Variants in OR8B2 observed in about 807,000 individuals in gnomAD.
OR8B2 encodes olfactory receptor 8B2.
For synonymous variants in OR8B2, 98 were observed against 138.2 expected, an observed-to-expected ratio of 0.71 and a Z score of 2.04; for missense variants, 304 against 379.6, an observed-to-expected ratio of 0.80 and a Z score of 1.65.
At chr11:124,384,669 G>A (rs1316046900), upstream of OR8B2, among the ~76,000 whole-genome samples, 1 of 152,132 alleles carries the variant, frequency 6.6e-6, no homozygotes, top group Non-Finnish European at 1.5e-5. Flanking sequence ...TTTGCTCAAG[G>A]CTCATAATTC....
At chr11:124,387,295 G>T (rs541941500), upstream of OR8B2, among the ~76,000 whole-genome samples, 1 of 152,190 alleles carries the variant, frequency 6.6e-6, no homozygotes, top group Non-Finnish European at 1.5e-5. Flanking sequence ...GGCTTTTCTT[G>T]CCATTGCTTT....
upstream of OR8B2, among the ~76,000 whole-genome samples, chr11:124,388,310 G>C (rs1860732633): frequency 6.7e-6 from 1 of 149,338 alleles, no homozygotes; most frequent in African/African-American, 2.5e-5. Context: ...AATAGGAGTG[G>C]TGAGAGATGG....
chr11:124,392,027 A>C, the OR8B2 span, among the ~76,000 whole-genome samples: 1 of 122,522 alleles, frequency 8.2e-6, no homozygotes, highest in East Asian at 2.2e-4. Flanking sequence ...GATTATCTCA[A>C]TAGATGCAGA....
In OR8B2 at chr11:124,383,120, G is replaced by T; in HGVS notation, c.224C>A (p.Ser75Tyr). 1 of 1,613,886 alleles carries T rather than the reference G, an allele frequency of 6.2e-7. No homozygotes were observed. The highest frequency in any genetic ancestry group is 8.5e-7 in the Non-Finnish European group (1 of 1,179,816). ...NLSFIDLCYSSVFTPKMLMNF... is the reference protein window; with the variant it reads ...NLSFIDLCYSYVFTPKMLMNF... ...CATTAGCATTTTGGGAGTGAAAACA[G>T]AGGAGTAACAGAGATCAATGAAGGA... The change falls in exon 2 of 2, where the codon TCT becomes TAT. Residue 75 changes from serine to tyrosine, a missense_variant. Transcript: ENST00000641451.
At chr11:124,390,478 A>C in the OR8B2 span, among the ~76,000 whole-genome samples, 49,794 of 151,998 alleles carry the variant, frequency 0.33, 8,221 homozygotes, top group African/African-American at 0.4. Context: ...AAGTCACCAA[A>C]AAATAGCAAA....
At chr11:124,392,715 T>C in the OR8B2 span, among the ~76,000 whole-genome samples, 1 of 141,924 alleles carries the variant, frequency 7.0e-6, no homozygotes, top group Non-Finnish European at 1.5e-5. Context: ...TTCAATGCCA[T>C]CCCCATCAAG....
At chr11:124,394,621 A>G in the OR8B2 span, among the ~76,000 whole-genome samples, 1 of 152,102 alleles carries the variant, frequency 6.6e-6, no homozygotes, top group South Asian at 2.1e-4. Context: ...TTTAAGTCCC[A>G]CCCACCCTGC....
chr11:124,395,227 G>A, the OR8B2 span, among the ~76,000 whole-genome samples: 1 of 151,698 alleles, frequency 6.6e-6, no homozygotes, highest in Non-Finnish European at 1.5e-5. Flanking sequence ...TTGAACCACT[G>A]CATTCCTGCC....
upstream of OR8B2, among the ~76,000 whole-genome samples, chr11:124,384,669 G>C (rs1316046900): frequency 6.6e-6 from 1 of 152,132 alleles, no homozygotes; most frequent in African/African-American, 2.4e-5. Flanking sequence ...TTTGCTCAAG[G>C]CTCATAATTC....
chr11:124,394,032 A>T, the OR8B2 span, among the ~76,000 whole-genome samples: 1 of 146,212 alleles, frequency 6.8e-6, no homozygotes, highest in Non-Finnish European at 1.5e-5. Context: ...GCGTATTCTC[A>T]CTGATAGATG....
chr11:124,393,568 A>G, the OR8B2 span, among the ~76,000 whole-genome samples: 1 of 148,562 alleles, frequency 6.7e-6, no homozygotes, highest in Non-Finnish European at 1.5e-5. Context: ...ATGAGATACC[A>G]TCTCACACCA....
At chr11:124,388,789 C>T (rs1860739114), upstream of OR8B2, among the ~76,000 whole-genome samples, 1 of 151,588 alleles carries the variant, frequency 6.6e-6, no homozygotes, top group South Asian at 2.1e-4. Flanking sequence ...AAACTTGTAC[C>T]TCCTTTAGTT....
At chr11:124,385,768 C>G (rs1189910166), upstream of OR8B2, among the ~76,000 whole-genome samples, 4 of 151,660 alleles carry the variant, frequency 2.6e-5, no homozygotes, top group Non-Finnish European at 4.4e-5. Context: ...GTAGCTGGCA[C>G]TACAGGCACA....
chr11:124,390,241 G>C, the OR8B2 span, among the ~76,000 whole-genome samples: 2 of 152,126 alleles, frequency 1.3e-5, no homozygotes, highest in African/African-American at 2.4e-5. Flanking sequence ...AATGCAATGA[G>C]GGGGGATGGA....
the OR8B2 span, among the ~76,000 whole-genome samples, chr11:124,394,514 G>A: frequency 2.6e-5 from 4 of 152,190 alleles, no homozygotes; most frequent in Admixed American, 1.3e-4. Context: ...AGACCATAGA[G>A]CAGTTCTAAA....
the OR8B2 span, among the ~76,000 whole-genome samples, chr11:124,394,590 G>C: frequency 1.3e-5 from 2 of 152,170 alleles, no homozygotes; most frequent in Non-Finnish European, 2.9e-5. Flanking sequence ...ATACATGTTA[G>C]ATGGAAATTG....
chr11:124,394,414 A>C, the OR8B2 span, among the ~76,000 whole-genome samples: 1 of 152,160 alleles, frequency 6.6e-6, no homozygotes, highest in Admixed American at 6.6e-5. Context: ...TGAAAGGAGC[A>C]AGAGTCAGTG....
chr11:124,389,498 A>G (rs1860750610), upstream of OR8B2, among the ~76,000 whole-genome samples: 1 of 152,166 alleles, frequency 6.6e-6, no homozygotes, highest in Non-Finnish European at 1.5e-5. Flanking sequence ...AAGTCATATC[A>G]TGAGTGAGTG....
At chr11:124,396,336 A>C in the OR8B2 span, 1 of 1,274,058 alleles carries the variant, frequency 7.8e-7, no homozygotes, top group Non-Finnish European at 1.1e-6. Flanking sequence ...TGTAGAAACA[A>C]CAAAATCTCT....
Sources: allele counts gnomAD v4.1 joint callset (sites outside exome capture counted in the v4.1 genomes callset), GRCh38; gene constraint gnomAD v4.1.1; transcripts MANE v1.5; gene names NCBI Gene and HGNC (gene_info 2026-07-23, HGNC 2026-07-21).